The following COA1 variants were observed in gnomAD, a reference collection of about 807,000 sequenced individuals.
COA1 encodes the protein cytochrome c oxidase assembly factor 1.
Under a neutral mutation model 16.0 loss-of-function variants are expected in COA1, and 13 were observed. The observed-to-expected ratio is 0.81, with a 90% CI of 0.53 to 1.29. The LOEUF is 1.29. Among genes scored for constraint, COA1 ranks in the 50% most tolerant of loss-of-function variants. The pLI is 0.00. For synonymous variants in COA1, 65 were observed against 65.7 expected, an observed-to-expected ratio of 0.99 and a Z score of 0.05; for missense variants, 179 against 177.0, an observed-to-expected ratio of 1.01 and a Z score of -0.06.
At chr7:43,661,636 C>CAAAA (rs200678255) in intron 1 of COA1, among the ~76,000 whole-genome samples, 9 of 133,258 alleles carry the variant, frequency 6.8e-5, no homozygotes, top group Admixed American at 1.5e-4. Context: ...GACTCCATCT[C>CAAAA]AAAAAAAAAA....
chr7:43,638,402 T>G (rs1336400360), downstream of COA1, among the ~76,000 whole-genome samples: 1 of 152,182 alleles, frequency 6.6e-6, no homozygotes, highest in African/African-American at 2.4e-5. Context: ...TAGGCTCTGG[T>G]GCCCAGAAGG....
At chr7:43,648,834 T>C (rs2090138026) in intron 1 of COA1, 182 bp from the exon 2 acceptor site, 1 of 543,728 alleles carries the variant, frequency 1.8e-6, no homozygotes, top group South Asian at 2.6e-5. Context: ...GCTGCCAAAT[T>C]AGGAAGAAAA....
chr7:43,646,992 T>C (rs1231958252), intron 3 of COA1: 2 of 173,952 alleles, frequency 1.1e-5, no homozygotes, highest in Admixed American at 5.7e-5. Context: ...AATTGTGGCC[T>C]GTCTTTACAA....
intron 6 of COA1, chr7:43,623,855 AT>A: frequency 6.3e-7 from 1 of 1,590,606 alleles, no homozygotes. Context: ...TCGGCTGTTG[AT>A]TTCATCAGGA....
At chr7:43,676,741 C>T (rs977095571) in intron 1 of COA1, among the ~76,000 whole-genome samples, 1 of 151,730 alleles carries the variant, frequency 6.6e-6, no homozygotes, top group Non-Finnish European at 1.5e-5. Flanking sequence ...ACACATTGTA[C>T]ACATGTATCA....
intron 6 of COA1, among the ~76,000 whole-genome samples, chr7:43,617,356 G>A (rs972403045): frequency 3.3e-5 from 5 of 152,248 alleles, no homozygotes; most frequent in African/African-American, 1.2e-4. Context: ...AACCTTTGAA[G>A]AGGCCATTGC....
chr7:43,672,088 A>AC (rs1486254271), intron 1 of COA1, among the ~76,000 whole-genome samples: 1 of 152,080 alleles, frequency 6.6e-6, no homozygotes, highest in African/African-American at 2.4e-5. Context: ...TGCAAAAACA[A>AC]CCCCATACAA....
At chr7:43,613,477 T>C (rs10254926) in intron 6 of COA1, among the ~76,000 whole-genome samples, 67,316 of 151,956 alleles carry the variant, frequency 0.44, 16,714 homozygotes, top group Non-Finnish European at 0.56. Context: ...CAATCCCCAC[T>C]GATACCATGG....
chr7:43,704,909 G>A (rs761211437), intron 1 of COA1, among the ~76,000 whole-genome samples: 17 of 152,176 alleles, frequency 1.1e-4, no homozygotes, highest in Non-Finnish European at 2.2e-4. Context: ...TTCTTGCACT[G>A]GTTCTTTCTT....
chr7:43,687,129 A>T (rs2094072891), intron 1 of COA1, among the ~76,000 whole-genome samples: 1 of 152,110 alleles, frequency 6.6e-6, no homozygotes, highest in African/African-American at 2.4e-5. Flanking sequence ...GTAGTGACCA[A>T]TGCTTCCCCA....
At position 43,711,477 on chromosome 7, in the gene COA1, GA is replaced by G. The variant is rs770004760; in HGVS notation, c.-39+17951del. The G allele has an allele frequency of 2.6e-5, 4 of 152,228 alleles. No homozygotes were observed. The East Asian group carries it at 5.8e-4, about 22-fold the overall frequency. The allele number at this position is 152,228 out of a possible 1,614,324, so 9.4% of individuals were successfully genotyped here. A position where few individuals can be genotyped will look rare whatever the true frequency, so the allele number is the denominator to read the frequency against. On this transcript the variant is annotated intron_variant, in intron 1 of 5. Coordinates refer to ENST00000223336, the MANE Select transcript of COA1 (RefSeq NM_018224.4). ...GTCAAAAGAAAGAAAAAGAGAGAGA[GA>G]GAAAGAGAATCTCTGATCCATTGAG...
At chr7:43,636,908 C>T (rs1563200779), downstream of COA1, among the ~76,000 whole-genome samples, 1 of 152,232 alleles carries the variant, frequency 6.6e-6, no homozygotes, top group East Asian at 1.9e-4. Context: ...AAATTGTATG[C>T]AAAATGTCAA....
intron 3 of COA1, 100 bp downstream of exon 3, chr7:43,647,435 T>C: frequency 1.1e-6 from 1 of 870,636 alleles, no homozygotes; most frequent in South Asian, 1.4e-5. Context: ...CTCTCCTCCT[T>C]TCTCTAATCT....
rs879114898 is a variant in COA1, at chr7:43,656,691, T to C, written c.-38-8039A>G. On this transcript the variant is annotated intron_variant, in intron 1 of 5. Transcript: ENST00000223336. The stretch of plus-strand genomic sequence containing the variant: ...AGCATGGCTACAGAGCGAGATTCCA[T>C]CTCAAAAAACAAAAAAACAAAAAGT... Among the ~76,000 whole-genome samples, 3 of 151,938 alleles carry C rather than the reference T, an allele frequency of 2.0e-5. No individual in the cohort carries two copies. In the South Asian group the frequency reaches 6.2e-4, roughly 31 times the overall value.
At chr7:43,728,325 T>G (rs2095662222) in intron 1 of COA1, among the ~76,000 whole-genome samples, 1 of 148,454 alleles carries the variant, frequency 6.7e-6, no homozygotes, top group African/African-American at 2.6e-5. Context: ...CTGTTTTATT[T>G]TTTTAAAGGA....
At chr7:43,699,451 TA>T (rs35071533) in intron 1 of COA1, among the ~76,000 whole-genome samples, 1 of 152,190 alleles carries the variant, frequency 6.6e-6, no homozygotes, top group Non-Finnish European at 1.5e-5. Flanking sequence ...TTGTTTTTTT[TA>T]AAAAGTGAAG....
intron 1 of COA1, among the ~76,000 whole-genome samples, chr7:43,694,156 C>G (rs2094458128): frequency 6.7e-6 from 1 of 148,606 alleles, no homozygotes; most frequent in African/African-American, 2.5e-5. Context: ...CTTTCATCTC[C>G]TCAGCCACAT....
intron 5 of COA1, 50 bp from the exon 6 acceptor site, chr7:43,639,731 A>C (rs75882659): frequency 9.5e-5 from 136 of 1,432,604 alleles, no homozygotes; most frequent in Middle Eastern, 1.8e-4. Context: ...GGCTGAGGCA[A>C]CAGCCGTAGT....
At chr7:43,623,498 G>C (rs1298236921) in intron 6 of COA1, 15 of 1,332,604 alleles carry the variant, frequency 1.1e-5, no homozygotes, top group Non-Finnish European at 1.6e-5. Flanking sequence ...CTAATGCTTA[G>C]TTTTTTATCT....
Sources: gnomAD v4.1 joint callset for allele counts (sites outside exome capture counted in the v4.1 genomes callset) on GRCh38, gnomAD v4.1.1 for gene constraint, MANE v1.5 for transcripts, NCBI Gene and HGNC (gene_info 2026-07-23, HGNC 2026-07-21) for gene names.